Variants in TAF4B observed in about 807,000 individuals in gnomAD.
TAF4B encodes TATA-box binding protein associated factor 4b.
In TAF4B, 38 loss-of-function variants were observed where a neutral mutation model predicts 86.4. That is an observed-to-expected ratio of 0.44 (90% CI 0.34 to 0.58). TAF4B has a LOEUF of 0.58. TAF4B is among the 20% of genes least tolerant of loss of function. The pLI is 0.02. For missense variants in TAF4B, 988 were observed against 1,027.6 expected (o/e 0.96, Z 0.53); for synonymous variants, 388 against 391.2 (o/e 0.99, Z 0.10).
At position 26,285,958 on chromosome 18, in the gene TAF4B, G is replaced by A. The variant is rs747631045; in HGVS notation, c.1049G>A (p.Ser350Asn). Residue 350 changes from serine to asparagine, a missense_variant, in exon 7 of 15, where the codon AGT becomes AAT. This residue lies in a region of TAF4B where 747 missense variants were observed against 737.9 expected (regional missense o/e 1.01). Coordinates refer to ENST00000269142, the MANE Select transcript of TAF4B (RefSeq NM_005640.3). The stretch of plus-strand genomic sequence containing the variant: ...CAGCAATGTGTTCAGCAGACTTCTA[G>A]TGACATGGTCATTGCTACCTGTACT... ...FIQQCVQQTS[S>N]DMVIATCTTT... The A allele has an allele frequency of 6.2e-7, 1 of 1,614,150 alleles. No homozygotes were observed. Among genetic ancestry groups the A allele is most frequent in the South Asian group, 1.1e-5 (1 of 91,084 alleles).
At chr18:26,236,224 C>T (rs1030107879) in intron 1 of TAF4B, among the ~76,000 whole-genome samples, 28 of 152,104 alleles carry the variant, frequency 1.8e-4, no homozygotes, top group African/African-American at 5.8e-4. Context: ...AAGAAAGGCA[C>T]GTGAAAAGAG....
intron 14 of TAF4B, among the ~76,000 whole-genome samples, chr18:26,381,252 G>A (rs1367330409): frequency 2.6e-5 from 4 of 151,548 alleles, no homozygotes; most frequent in East Asian, 3.9e-4. Context: ...TGGGCTCAAG[G>A]GACCTGCCTG....
intron 14 of TAF4B, among the ~76,000 whole-genome samples, chr18:26,378,346 C>G (rs1199804810): frequency 2.6e-5 from 4 of 152,132 alleles, no homozygotes; most frequent in African/African-American, 9.7e-5. Context: ...CTTATAGTAT[C>G]TTTCAGGTAA....
chr18:26,296,251 A>G (rs1000010973), intron 9 of TAF4B, among the ~76,000 whole-genome samples: 1 of 151,974 alleles, frequency 6.6e-6, no homozygotes, highest in African/African-American at 2.4e-5. Flanking sequence ...TCCGCTTCCA[A>G]ATGGTGCTTC....
chr18:26,262,915 T>A (rs934282204), intron 1 of TAF4B, among the ~76,000 whole-genome samples: 1 of 152,244 alleles, frequency 6.6e-6, no homozygotes, highest in African/African-American at 2.4e-5. Flanking sequence ...AATATTTTTG[T>A]CTGTGCCTCC....
At chr18:26,317,439 T>A (rs1280772083) in intron 10 of TAF4B, among the ~76,000 whole-genome samples, 1 of 152,220 alleles carries the variant, frequency 6.6e-6, no homozygotes, top group African/African-American at 2.4e-5. Flanking sequence ...AGCAACTTTT[T>A]CCTTCAAAGG....
At chr18:26,335,970 C>A (rs1419269513) in intron 13 of TAF4B, among the ~76,000 whole-genome samples, 1 of 152,028 alleles carries the variant, frequency 6.6e-6, no homozygotes, top group African/African-American at 2.4e-5. Flanking sequence ...TGGAGTTGCC[C>A]CCAGAGCTGC....
chr18:26,267,381 A>C, intron 2 of TAF4B, 135 bp from the exon 3 acceptor site: 1 of 621,948 alleles, frequency 1.6e-6, no homozygotes, highest in South Asian at 2.1e-5. Flanking sequence ...AATGTGCATA[A>C]AACACATTAG....
At chr18:26,332,781 C>A (rs937627180) in intron 12 of TAF4B, among the ~76,000 whole-genome samples, 5 of 152,140 alleles carry the variant, frequency 3.3e-5, no homozygotes, top group Non-Finnish European at 5.9e-5. Flanking sequence ...ATCCACCCAC[C>A]TCAGCATCCC....
chr18:26,300,609 TATA>T (rs965786689), intron 9 of TAF4B, among the ~76,000 whole-genome samples: 2 of 152,006 alleles, frequency 1.3e-5, no homozygotes, highest in African/African-American at 2.4e-5. Flanking sequence ...TTCTTGAACA[TATA>T]ATTTCAATTT....
chr18:26,265,339 A>G (rs913646015), intron 2 of TAF4B, 24 bp downstream of exon 2: 1 of 1,571,146 alleles, frequency 6.4e-7, no homozygotes. Flanking sequence ...AATATTTTTC[A>G]TCTTTCTTTG....
intron 6 of TAF4B, among the ~76,000 whole-genome samples, chr18:26,284,153 A>G (rs1405428727): frequency 6.6e-6 from 1 of 152,196 alleles, no homozygotes; most frequent in Non-Finnish European, 1.5e-5. Context: ...TTAGTTATCA[A>G]GAGAGCTTCT....
At chr18:26,311,383 C>T (rs1426842953) in intron 9 of TAF4B, among the ~76,000 whole-genome samples, 3 of 151,968 alleles carry the variant, frequency 2.0e-5, no homozygotes, top group Non-Finnish European at 4.4e-5. Flanking sequence ...ACCTGTAATC[C>T]CAGCATTTTG....
chr18:26,286,775 C>T (rs1306540720), intron 7 of TAF4B, among the ~76,000 whole-genome samples: 2 of 152,102 alleles, frequency 1.3e-5, no homozygotes, highest in East Asian at 3.9e-4. Flanking sequence ...CCTCCACCTC[C>T]CAGGTTCAAG....
chr18:26,346,799 G>A lies in TAF4B; in HGVS notation c.2317-10891G>A, dbSNP rs8098426. Among the ~76,000 whole-genome samples the A allele has an allele frequency of 5.7e-3, 84 of 14,834 alleles. 12 individuals carry two copies. Among genetic ancestry groups the A allele is most frequent in the Non-Finnish European group, 0.014 (64 of 4,492 alleles). 9.7% of individuals were successfully genotyped at this position (14,834 alleles called of 152,430 possible). ...TGTGTGTGTATATATATATATATAT[G>A]TGTATATATATATATATGTGTGTGT... On this transcript the variant is annotated intron_variant, in intron 13 of 14. Transcript: ENST00000269142.
chr18:26,358,772 T>C (rs964563180), intron 14 of TAF4B, among the ~76,000 whole-genome samples: 3 of 152,190 alleles, frequency 2.0e-5, no homozygotes, highest in African/African-American at 7.2e-5. Context: ...TCATTAGGGC[T>C]GAGATAGAGG....
chr18:26,314,443 A>T (rs12968099), intron 9 of TAF4B, among the ~76,000 whole-genome samples: 31,678 of 151,818 alleles, frequency 0.21, 4,125 homozygotes, highest in Non-Finnish European at 0.3. Flanking sequence ...CAAGGAGCCC[A>T]GACATCTTTT....
chr18:26,274,270 G>A (rs1256938466), intron 3 of TAF4B, among the ~76,000 whole-genome samples: 3 of 152,134 alleles, frequency 2.0e-5, no homozygotes, highest in Non-Finnish European at 4.4e-5. Flanking sequence ...AATATTCTAT[G>A]TTCTCATAAA....
At chr18:26,281,866 A>G in intron 5 of TAF4B, 105 bp from the exon 6 acceptor site, 2 of 741,278 alleles carry the variant, frequency 2.7e-6, no homozygotes, top group Non-Finnish European at 4.4e-6. Flanking sequence ...AATTGACTTT[A>G]TCATTTGTGA....
Sources: allele counts gnomAD v4.1 joint callset (sites outside exome capture counted in the v4.1 genomes callset), GRCh38; gene constraint gnomAD v4.1.1; regional missense constraint gnomAD v4.1.1; transcripts MANE v1.5; gene names NCBI Gene and HGNC (gene_info 2026-07-23, HGNC 2026-07-21).